The following PPM1F variants were observed in gnomAD, a reference collection of about 807,000 sequenced individuals.
PPM1F encodes the protein protein phosphatase, Mg2+/Mn2+ dependent 1F.
In PPM1F, 17 loss-of-function variants were observed where a neutral mutation model predicts 35.5. The observed-to-expected ratio is 0.48, with a 90% confidence interval of 0.33 to 0.72. The LOEUF is 0.72. Among genes scored for constraint, PPM1F ranks in the 30% least tolerant of loss-of-function variants. The probability of loss-of-function intolerance (pLI) is 0.02; values close to 1 mark genes in which losing one functional copy is unlikely to be tolerated. For missense variants in PPM1F, 521 were observed against 613.0 expected (o/e 0.85, Z 1.59); for synonymous variants, 241 against 255.5 (o/e 0.94, Z 0.54).
chr22:21,924,344 C>T (rs964512016), intron 7 of PPM1F, among the ~76,000 whole-genome samples: 1 of 151,600 alleles, frequency 6.6e-6, no homozygotes, highest in African/African-American at 2.4e-5. Context: ...CTTGGCTCAC[C>T]GCAACCTCCA....
chr22:21,927,161 G>A (rs1186819400), intron 6 of PPM1F, among the ~76,000 whole-genome samples: 2 of 152,210 alleles, frequency 1.3e-5, no homozygotes, highest in African/African-American at 4.8e-5. Context: ...CACCTCCGGG[G>A]TCTGAGCAGG....
At chr22:21,930,253 C>T (rs1360443252) in intron 6 of PPM1F, among the ~76,000 whole-genome samples, 1 of 152,182 alleles carries the variant, frequency 6.6e-6, no homozygotes, top group East Asian at 1.9e-4. Flanking sequence ...GAATGTAGTG[C>T]CAGCCCAGGC....
intron 2 of PPM1F, among the ~76,000 whole-genome samples, chr22:21,940,202 C>G (rs537802818): frequency 9.9e-5 from 15 of 152,190 alleles, no homozygotes; most frequent in African/African-American, 3.4e-4. Context: ...GGGCCGGGTG[C>G]GGTGGCTCAC....
intron 6 of PPM1F, among the ~76,000 whole-genome samples, chr22:21,929,237 A>G (rs1035388225): frequency 6.6e-6 from 1 of 152,152 alleles, no homozygotes; most frequent in Admixed American, 6.5e-5. Context: ...GGCCAAGCCT[A>G]CAGAGCATGG....
At chr22:21,933,638 C>T (rs558567924) in intron 4 of PPM1F, 59 bp from the exon 5 acceptor site, 21 of 1,503,304 alleles carry the variant, frequency 1.4e-5, no homozygotes, top group East Asian at 9.2e-5. Flanking sequence ...CCCAGTGGGG[C>T]GTGGCGCCAG....
In PPM1F at chr22:21,920,356, G is replaced by A. The variant is rs1453150947; in HGVS notation, c.*2736C>T. On this transcript the variant is annotated 3_prime_UTR_variant, in exon 8 of 8. Coordinates refer to ENST00000263212, the MANE Select transcript of PPM1F (RefSeq NM_014634.4). ...AGCTCACACAAGGAACAAGTGGAGAGCTGGGCTGGAGAAAGGATTACAATT... is the reference window on the plus strand; with the variant it reads ...AGCTCACACAAGGAACAAGTGGAGAACTGGGCTGGAGAAAGGATTACAATT... The A allele has an allele frequency of 2.6e-5, 4 of 152,680 alleles. No individual in the cohort carries two copies. The highest frequency in any genetic ancestry group is 1.3e-4 in the Admixed American group (2 of 15,290). The allele number at this position is 152,680 out of a possible 1,614,324, so 9.5% of individuals were successfully genotyped here. A position where few individuals can be genotyped will look rare whatever the true frequency, so the allele number is the denominator to read the frequency against.
chr22:21,942,037 G>C (rs2070730862), intron 2 of PPM1F: 1 of 152,316 alleles, frequency 6.6e-6, no homozygotes, highest in African/African-American at 2.4e-5. Context: ...CCCAGTGGGG[G>C]CCCTGGAAGC....
At chr22:21,927,913 C>T (rs1325322457) in intron 6 of PPM1F, among the ~76,000 whole-genome samples, 1 of 146,168 alleles carries the variant, frequency 6.8e-6, no homozygotes, top group East Asian at 2.1e-4. Context: ...GTCTCCTAGT[C>T]ACTGATTCTT....
At position 21,939,577 on chromosome 22, in the gene PPM1F, C is replaced by G; in HGVS notation, c.310G>C (p.Glu104Gln). The change falls in exon 3 of 8, where the codon GAA becomes CAA. Residue 104 changes from glutamate (E) to glutamine (Q), a missense_variant. By Grantham distance (29) the Glu-to-Gln change is conservative (BLOSUM62 2). Coordinates refer to ENST00000263212, the MANE Select transcript of PPM1F (RefSeq NM_014634.4). This position sits in a 1 kb window ranked among gnomAD's most constrained non-coding sequence, Gnocchi z 5.1. ...TCCTCGTCATCGTCCTCCTCCTCTTCTTCTTCCTCCCTGGGCAACTTCCTG... is the reference window on the plus strand; with the variant it reads ...TCCTCGTCATCGTCCTCCTCCTCTTGTTCTTCCTCCCTGGGCAACTTCCTG... The part of the protein sequence containing the change: ...EFRKLPREEE[E>Q]EEEDDDEEEK... The G allele has an allele frequency of 6.3e-7, 1 of 1,575,266 alleles. No homozygotes were observed. The highest frequency in any genetic ancestry group is 2.3e-5 in the East Asian group (1 of 43,512).
At chr22:21,931,328 G>A in intron 5 of PPM1F, 37 bp from the exon 6 acceptor site, 1 of 1,582,688 alleles carries the variant, frequency 6.3e-7, no homozygotes, top group Non-Finnish European at 8.6e-7. Context: ...TTGAGAGGAG[G>A]TAGGGAAGGG....
At chr22:21,950,631 T>C (rs1030638030) in intron 1 of PPM1F, 1 of 152,136 alleles carries the variant, frequency 6.6e-6, no homozygotes, top group Admixed American at 6.5e-5. Flanking sequence ...TTTTTGTTTT[T>C]GTTTTTTTTG....
intron 1 of PPM1F, chr22:21,947,233 C>T (rs140861335): frequency 6.5e-6 from 1 of 152,864 alleles, no homozygotes; most frequent in Admixed American, 6.5e-5. Context: ...CCAGCGCCCC[C>T]CCTTCCATGT....
intron 2 of PPM1F, chr22:21,945,572 G>T: frequency 8.5e-6 from 4 of 468,172 alleles, no homozygotes; most frequent in Middle Eastern, 5.6e-4. Context: ...ACTCTTCCCT[G>T]CAGCCTTTGA....
At chr22:21,934,420 C>G in intron 3 of PPM1F, 194 bp from the exon 4 acceptor site, 2 of 569,136 alleles carry the variant, frequency 3.5e-6, no homozygotes. Flanking sequence ...GGCAACTTGC[C>G]CCTTGAAGTC....
rs780703480 is a variant in PPM1F at position 21,933,408 on chromosome 22, T to C, written c.730A>G (p.Arg244Gly). 1 of 1,609,992 alleles carries C rather than the reference T, an allele frequency of 6.2e-7. No individual in the cohort carries two copies. The highest frequency in any genetic ancestry group is 8.5e-7 in the Non-Finnish European group (1 of 1,178,548). The part of the protein sequence containing the change: ...AFRRTDQMFL[R>G]KAKRERLQSG... Reference sequence around the variant, plus strand: ...GTCCTCACCTCTCGCTTGGCTTTCCTGAGAAACATCTGGTCGGTGCGCCGG... The same window carrying C: ...GTCCTCACCTCTCGCTTGGCTTTCCCGAGAAACATCTGGTCGGTGCGCCGG... Residue 244 changes from arginine to glycine, a missense_variant, in exon 5 of 8, where the codon AGG becomes GGG. Physicochemically the swap from Arg to Gly is moderately radical, Grantham distance 125. This residue lies in a region of PPM1F where 311 missense variants were observed against 351.5 expected (regional missense o/e 0.88). Coordinates refer to ENST00000263212, the MANE Select transcript of PPM1F (RefSeq NM_014634.4).
intron 6 of PPM1F, among the ~76,000 whole-genome samples, chr22:21,930,086 A>G (rs975582400): frequency 6.6e-6 from 1 of 152,288 alleles, no homozygotes; most frequent in Non-Finnish European, 1.5e-5. Flanking sequence ...CAGTGTTTGC[A>G]GGAAAGGCTG....
chr22:21,934,116 GC>G lies in PPM1F; in HGVS notation c.465del (p.Trp155CysfsTer35). Reference sequence around the variant, plus strand: ...TTCCGGATGGCGTGGATGGAGACCAGCCACTGCCGCTGTGAGGCCCGGGCAG... The same window carrying G: ...TTCCGGATGGCGTGGATGGAGACCAGCACTGCCGCTGTGAGGCCCGGGCAG... ...PLAARASQRQ[W>X]LVSIHAIRNT... On this transcript the variant is annotated frameshift_variant, in exon 4 of 8. Coordinates refer to ENST00000263212, the MANE Select transcript of PPM1F (RefSeq NM_014634.4). LOFTEE classifies it high-confidence loss of function. 6.4e-7 allele frequency: 1 copy of G among 1,566,946 alleles called. No individual in the cohort carries two copies. The highest frequency in any genetic ancestry group is 8.7e-7 in the Non-Finnish European group (1 of 1,155,982).
intron 3 of PPM1F, chr22:21,938,672 C>A (rs13057950): frequency 4.6e-5 from 43 of 925,648 alleles, no homozygotes; most frequent in Non-Finnish European, 5.1e-5. Context: ...CTGCTGCCTG[C>A]TGGCCTGTCC....
At chr22:21,941,390 T>C (rs2070723750) in intron 2 of PPM1F, 1 of 152,458 alleles carries the variant, frequency 6.6e-6, no homozygotes, top group Non-Finnish European at 1.5e-5. Context: ...TCGGGCAGTA[T>C]AAATGGAGGG....
Sources: gnomAD v4.1 joint callset for allele counts (sites outside exome capture counted in the v4.1 genomes callset) on GRCh38, gnomAD v4.1.1 for gene constraint, gnomAD v4.1.1 regional missense constraint, Gnocchi (gnomAD v3.1) non-coding constraint, MANE v1.5 for transcripts, NCBI Gene and HGNC (gene_info 2026-07-23, HGNC 2026-07-21) for gene names.